Variants in RBFOX1 observed in about 807,000 individuals in gnomAD.
RBFOX1 encodes RNA binding fox-1 homolog 1.
A neutral mutation model predicts 57.7 loss-of-function variants in RBFOX1; 8 were observed. The observed-to-expected ratio is 0.14, with a 90% confidence interval of 0.08 to 0.25. RBFOX1 has a LOEUF of 0.25. Ranked by LOEUF, RBFOX1 falls within the 10% of genes least tolerant of loss-of-function variation. RBFOX1 has a pLI of 1.00. For missense variants in RBFOX1, 611 were observed against 548.5 expected (o/e 1.11, Z -1.14); for synonymous variants, 326 against 222.4 (o/e 1.47, Z -4.15).
chr16:7,047,711 C>T lies in RBFOX1; in HGVS notation c.-15-4346C>T, dbSNP rs559274563. Among the ~76,000 whole-genome samples, 14 of 86,024 alleles carry T rather than the reference C, an allele frequency of 1.6e-4. 1 individual carries two copies. The highest frequency in any genetic ancestry group is 6.8e-4 in the African/African-American group (14 of 20,520). 56.4% of individuals were successfully genotyped at this position (86,024 alleles called of 152,430 possible). A position where few individuals can be genotyped will look rare whatever the true frequency, so the allele number is the denominator to read the frequency against. ...TTTGATATTTGTTCCACAGGTCCTG[C>T]ATTTCTTTTTTTTTTTTTTTTTTTT... On this transcript the variant is annotated intron_variant, in intron 3 of 15. Coordinates refer to ENST00000550418, the MANE Select transcript of RBFOX1 (RefSeq NM_018723.4).
intron 4 of RBFOX1, among the ~76,000 whole-genome samples, chr16:7,062,340 A>G (rs1348988029): frequency 9.6e-6 from 1 of 104,684 alleles, no homozygotes; most frequent in African/African-American, 3.9e-5. Flanking sequence ...AAAAAAAAAG[A>G]AAAGAAAAAA....
chr16:6,153,619 T>G (rs13334105), intron 1 of RBFOX1, among the ~76,000 whole-genome samples: 10,111 of 152,120 alleles, frequency 0.066, 660 homozygotes, highest in African/African-American at 0.17. Flanking sequence ...CACTGCAACC[T>G]CTGCCTCCCG....
At chr16:7,258,605 A>G (rs961899469) in intron 4 of RBFOX1, among the ~76,000 whole-genome samples, 13 of 152,242 alleles carry the variant, frequency 8.5e-5, no homozygotes, top group Admixed American at 2.0e-4. Context: ...TTAGAGATCT[A>G]TATATCATAT....
chr16:6,821,338 C>G (rs2091263362), intron 3 of RBFOX1, among the ~76,000 whole-genome samples: 1 of 152,094 alleles, frequency 6.6e-6, no homozygotes, highest in African/African-American at 2.4e-5. Context: ...TGTTTTGTCC[C>G]CAAATTGGAA....
intron 4 of RBFOX1, among the ~76,000 whole-genome samples, chr16:7,121,488 A>G (rs553084808): frequency 1.3e-5 from 2 of 152,202 alleles, no homozygotes; most frequent in South Asian, 4.1e-4. Flanking sequence ...AAAAAATGCA[A>G]TACTTAGCTA....
At chr16:7,405,243 A>AAATT (rs1259759224) in intron 4 of RBFOX1, among the ~76,000 whole-genome samples, 5 of 152,216 alleles carry the variant, frequency 3.3e-5, no homozygotes, top group African/African-American at 1.2e-4. Context: ...AAAACAGCAG[A>AAATT]AATTAGCACG....
intron 2 of RBFOX1, among the ~76,000 whole-genome samples, chr16:6,341,274 G>A (rs111741351): frequency 1.6e-3 from 245 of 152,062 alleles, no homozygotes; most frequent in African/African-American, 5.3e-3. Context: ...GGCTTGTGGC[G>A]TCCTTCCATT....
chr16:5,436,159 C>G (rs1049406698), intron 1 of RBFOX1, among the ~76,000 whole-genome samples: 1 of 152,204 alleles, frequency 6.6e-6, no homozygotes, highest in Non-Finnish European at 1.5e-5. Context: ...CTCCCTCATG[C>G]CTTTCTCTGG....
intron 4 of RBFOX1, among the ~76,000 whole-genome samples, chr16:7,450,430 A>G (rs9924174): frequency 0.39 from 57,043 of 146,714 alleles, 11,657 homozygotes; most frequent in Non-Finnish European, 0.45. Flanking sequence ...AACTTACAGA[A>G]AGCAAGTTCA....
chr16:6,566,121 A>T (rs1036045079), intron 2 of RBFOX1, among the ~76,000 whole-genome samples: 4 of 152,184 alleles, frequency 2.6e-5, no homozygotes, highest in East Asian at 1.9e-4. Flanking sequence ...TCACTGTTCA[A>T]ATTTATTAGC....
intron 1 of RBFOX1, among the ~76,000 whole-genome samples, chr16:6,304,420 C>G (rs2079202776): frequency 6.6e-6 from 1 of 152,122 alleles, no homozygotes; most frequent in African/African-American, 2.4e-5. Context: ...CCTCCTCCGT[C>G]TCACCTCCAT....
chr16:7,458,164 C>T (rs774025997), intron 4 of RBFOX1, among the ~76,000 whole-genome samples: 1 of 152,148 alleles, frequency 6.6e-6, no homozygotes, highest in Non-Finnish European at 1.5e-5. Flanking sequence ...GTGCACCACA[C>T]GTCTATACTG....
rs774600430 is a variant in RBFOX1 at position 7,554,052 on chromosome 16, C to G, written c.271-25725C>G. 8.5e-5 allele frequency among the ~76,000 whole-genome samples: 13 copies of G among 152,152 alleles called. No individual in the cohort carries two copies. The East Asian group carries it at 2.1e-3, about 25-fold the overall frequency. The stretch of plus-strand genomic sequence containing the variant: ...TGAGCCCAGGAGGTCGAGGCTGCAG[C>G]GAACTATGATCGGAACACTGCACTC... On this transcript the variant is annotated intron_variant, in intron 5 of 15. Coordinates refer to ENST00000550418, the MANE Select transcript of RBFOX1 (RefSeq NM_018723.4).
chr16:6,775,364 G>C (rs12935391), intron 3 of RBFOX1, among the ~76,000 whole-genome samples: 1 of 139,132 alleles, frequency 7.2e-6, no homozygotes, highest in Non-Finnish European at 1.5e-5. Context: ...TAGACAAAAA[G>C]CCTACAAACA....
intron 3 of RBFOX1, among the ~76,000 whole-genome samples, chr16:5,785,101 T>C (rs2054455610): frequency 6.6e-6 from 1 of 152,116 alleles, no homozygotes; most frequent in African/African-American, 2.4e-5. Context: ...GGCATGCAAC[T>C]TTTACCTTCC....
chr16:7,139,495 C>T (rs756178389), intron 4 of RBFOX1, among the ~76,000 whole-genome samples: 13 of 152,076 alleles, frequency 8.5e-5, no homozygotes, highest in Middle Eastern at 3.2e-3. Flanking sequence ...TAAATAGCCC[C>T]AGATAGTTTG....
At chr16:5,598,386 G>T (rs112144728) in intron 2 of RBFOX1, among the ~76,000 whole-genome samples, 3,021 of 152,240 alleles carry the variant, frequency 0.02, 93 homozygotes, top group African/African-American at 0.069. Flanking sequence ...ACTGCCTCAG[G>T]AGTGTCAGCG....
chr16:6,736,464 A>G (rs1180898251), intron 3 of RBFOX1, among the ~76,000 whole-genome samples: 1 of 152,148 alleles, frequency 6.6e-6, no homozygotes, highest in Non-Finnish European at 1.5e-5. Flanking sequence ...AATCTCATCC[A>G]TGTCATTGCA....
intron 5 of RBFOX1, among the ~76,000 whole-genome samples, chr16:7,548,122 A>G (rs546523017): frequency 1.3e-5 from 2 of 152,256 alleles, no homozygotes; most frequent in South Asian, 2.1e-4. Flanking sequence ...AATATTTTGA[A>G]ACAAACCGAG....
Sources: allele counts gnomAD v4.1 joint callset (sites outside exome capture counted in the v4.1 genomes callset), GRCh38; gene constraint gnomAD v4.1.1; transcripts MANE v1.5; gene names NCBI Gene and HGNC (gene_info 2026-07-23, HGNC 2026-07-21).